Variants in KAZN observed in about 807,000 individuals in gnomAD.
KAZN encodes the protein kazrin.
Under a neutral mutation model 87.4 loss-of-function variants are expected in KAZN, and 40 were observed. The ratio of observed to expected loss-of-function variants is 0.46; its 90% CI spans 0.36 to 0.60. KAZN has a LOEUF of 0.60. Among genes scored for constraint, KAZN ranks in the 20% least tolerant of loss-of-function variants. KAZN has a pLI of 0.00. For synonymous variants in KAZN, 466 were observed against 458.3 expected (o/e 1.02, Z -0.22); for missense variants, 898 against 1,073.9 (o/e 0.84, Z 2.29).
At position 15,094,141 on chromosome 1, in the gene KAZN, G is replaced by C; in HGVS notation, c.1223-39G>C. On this transcript the variant is annotated intron_variant, in intron 8 of 14. Coordinates refer to ENST00000376030, the MANE Select transcript of KAZN (RefSeq NM_201628.3). The surrounding 1 kb of genome is among the most constrained non-coding windows in gnomAD (Gnocchi z 4.5). ...GCCTGCCCAGCCCCTGCCCCCAGCA[G>C]CCTCGTCCCCCAGCATGGCCTGCAC... The C allele has an allele frequency of 6.3e-7, 1 of 1,594,152 alleles. No homozygotes were observed. Among genetic ancestry groups the C allele is most frequent in the Non-Finnish European group, 8.6e-7 (1 of 1,168,790 alleles).
At chr1:14,054,809 A>G (rs1642482178) in intron 1 of KAZN, among the ~76,000 whole-genome samples, 1 of 152,228 alleles carries the variant, frequency 6.6e-6, no homozygotes, top group African/African-American at 2.4e-5. Flanking sequence ...AGAAATGTGT[A>G]TGAGAAGTGG....
At chr1:14,418,790 A>G (rs1665064423) in intron 2 of KAZN, among the ~76,000 whole-genome samples, 1 of 152,218 alleles carries the variant, frequency 6.6e-6, no homozygotes. Context: ...ACTCAAAGTC[A>G]TGAAATTCGC....
chr1:14,511,530 T>G (rs1181785838), intron 2 of KAZN, among the ~76,000 whole-genome samples: 1 of 152,218 alleles, frequency 6.6e-6, no homozygotes, highest in Non-Finnish European at 1.5e-5. Flanking sequence ...CCCTACTGTA[T>G]GCTTTCACAA....
intron 1 of KAZN, among the ~76,000 whole-genome samples, chr1:14,825,652 C>A (rs542215245): frequency 1.3e-5 from 2 of 152,140 alleles, no homozygotes; most frequent in South Asian, 4.1e-4. Context: ...AGTAAGGGAC[C>A]ACGTTGGGAT....
chr1:14,722,390 T>C (rs776959600), intron 1 of KAZN, among the ~76,000 whole-genome samples: 14 of 152,214 alleles, frequency 9.2e-5, no homozygotes, highest in Non-Finnish European at 1.5e-4. Context: ...TAAGTTATTA[T>C]AATATTCTAT....
chr1:14,740,940 G>A (rs1644079402), intron 1 of KAZN, among the ~76,000 whole-genome samples: 1 of 152,192 alleles, frequency 6.6e-6, no homozygotes, highest in African/African-American at 2.4e-5. Context: ...GTGCCTGTGG[G>A]GGTGGCAGGT....
intron 2 of KAZN, among the ~76,000 whole-genome samples, chr1:14,993,195 C>T (rs572256043): frequency 1.1e-4 from 16 of 149,712 alleles, no homozygotes; most frequent in African/African-American, 3.2e-4. Flanking sequence ...AGGCCAGGCG[C>T]GGTGGCTCAC....
chr1:14,857,831 GATATAGTTC>G (rs60212606), intron 1 of KAZN, among the ~76,000 whole-genome samples: 64,530 of 151,536 alleles, frequency 0.43, 15,776 homozygotes, highest in African/African-American at 0.67. Context: ...GGTTTCTTGA[GATATAGTTC>G]ATATACCATA....
intron 1 of KAZN, among the ~76,000 whole-genome samples, chr1:14,025,860 G>A (rs528967817): frequency 1.3e-5 from 2 of 152,222 alleles, no homozygotes; most frequent in South Asian, 2.1e-4. Context: ...ATGGTTGCTT[G>A]TCTTTCAAAA....
chr1:14,401,137 C>T (rs1442065782), intron 2 of KAZN, among the ~76,000 whole-genome samples: 1 of 152,138 alleles, frequency 6.6e-6, no homozygotes, highest in African/African-American at 2.4e-5. Context: ...TCAAATAAGG[C>T]TTCAAGGAAG....
At chr1:14,772,938 G>A (rs1645060382) in intron 1 of KAZN, among the ~76,000 whole-genome samples, 1 of 152,044 alleles carries the variant, frequency 6.6e-6, no homozygotes, top group African/African-American at 2.4e-5. Context: ...TGCCTGGGGT[G>A]TGAGGGGCCC....
chr1:14,188,648 G>A (rs1646362659), intron 2 of KAZN, among the ~76,000 whole-genome samples: 1 of 152,134 alleles, frequency 6.6e-6, no homozygotes, highest in Non-Finnish European at 1.5e-5. Context: ...CTTACCGGAA[G>A]AGCAGCCTCA....
At chr1:14,549,342 A>G (rs1262358006) in intron 2 of KAZN, among the ~76,000 whole-genome samples, 1 of 152,172 alleles carries the variant, frequency 6.6e-6, no homozygotes, top group East Asian at 1.9e-4. Flanking sequence ...TGCAGCTGGG[A>G]GAGGACAGAT....
intron 2 of KAZN, among the ~76,000 whole-genome samples, chr1:14,312,707 G>A (rs76073414): frequency 0.022 from 3,275 of 152,224 alleles, 126 homozygotes; most frequent in African/African-American, 0.075. Context: ...TCACTTGAAT[G>A]ATTGGGTTAC....
At chr1:14,050,183 T>C (rs1449890466) in intron 1 of KAZN, among the ~76,000 whole-genome samples, 1 of 150,460 alleles carries the variant, frequency 6.6e-6, no homozygotes, top group Non-Finnish European at 1.5e-5. Flanking sequence ...TGTGCGCACA[T>C]GTGTGTACAC....
chr1:14,340,775 T>C (rs1172934154), intron 2 of KAZN, among the ~76,000 whole-genome samples: 1 of 152,246 alleles, frequency 6.6e-6, no homozygotes. Context: ...GTGTCTGTTT[T>C]TTGACTTCTC....
In KAZN at chr1:13,895,069, ATTAAG is replaced by A. The variant is rs561759716; in HGVS notation, c.91+1318_91+1322del. Among the ~76,000 whole-genome samples the A allele has an allele frequency of 1.4e-3, 220 of 152,356 alleles. 1 individual carries two copies. The highest frequency in any genetic ancestry group is 5.1e-3 in the African/African-American group (214 of 41,570). On this transcript the variant is annotated intron_variant, in intron 1 of 16. Transcript: ENST00000636203. ...CTCCATAAGGTCATTGCAAAGATTAATTAAGTTAATATGTGAAAACATCCTTCTAT... is the reference window on the plus strand; with the variant it reads ...CTCCATAAGGTCATTGCAAAGATTAATTAATATGTGAAAACATCCTTCTAT...
At chr1:14,443,908 A>C (rs1221605150) in intron 2 of KAZN, among the ~76,000 whole-genome samples, 3 of 152,182 alleles carry the variant, frequency 2.0e-5, no homozygotes, top group African/African-American at 7.2e-5. Context: ...CTATCCTTCA[A>C]GTTTCAATTT....
At chr1:14,745,036 G>T (rs1644221972) in intron 1 of KAZN, among the ~76,000 whole-genome samples, 2 of 152,088 alleles carry the variant, frequency 1.3e-5, no homozygotes, top group African/African-American at 4.8e-5. Flanking sequence ...AGTTCAAGTG[G>T]CAGGAGATGA....
Sources: gnomAD v4.1 joint callset for allele counts (sites outside exome capture counted in the v4.1 genomes callset) on GRCh38, gnomAD v4.1.1 for gene constraint, Gnocchi (gnomAD v3.1) non-coding constraint, MANE v1.5 for transcripts, NCBI Gene and HGNC (gene_info 2026-07-23, HGNC 2026-07-21) for gene names.